Variants in SLC30A6 observed in about 807,000 individuals in gnomAD.
SLC30A6 encodes zinc transporter 6.
In SLC30A6, 55 loss-of-function variants were observed where a neutral mutation model predicts 63.0. The ratio of observed to expected loss-of-function variants is 0.87; its 90% confidence interval spans 0.70 to 1.09. SLC30A6 has a LOEUF of 1.09. Among genes scored for constraint, SLC30A6 ranks in the 50% least tolerant of loss-of-function variants. The pLI is 0.00. For missense variants in SLC30A6, 587 were observed against 549.2 expected (o/e 1.07, Z -0.69); for synonymous variants, 224 against 186.1 (o/e 1.20, Z -1.66).
chr2:32,205,251 T>C (rs1684650366), intron 11 of SLC30A6, among the ~76,000 whole-genome samples: 1 of 152,070 alleles, frequency 6.6e-6, no homozygotes, highest in Non-Finnish European at 1.5e-5. Flanking sequence ...AAACCCTGTC[T>C]CTACTAAAAA....
At chr2:32,213,690 T>C in intron 13 of SLC30A6, among the ~76,000 whole-genome samples, 1 of 152,188 alleles carries the variant, frequency 6.6e-6, no homozygotes. Context: ...ATTTTTAGTT[T>C]TCTTAGTTTT....
intron 4 of SLC30A6, among the ~76,000 whole-genome samples, chr2:32,180,945 A>G (rs72863948): frequency 3.9e-5 from 6 of 152,218 alleles, no homozygotes; most frequent in Admixed American, 3.9e-4. Context: ...TGAGTTAGCT[A>G]TCGCTACATA....
intron 10 of SLC30A6, among the ~76,000 whole-genome samples, chr2:32,201,076 C>G (rs529404621): frequency 6.6e-6 from 1 of 152,286 alleles, no homozygotes; most frequent in East Asian, 1.9e-4. Context: ...TATCTCCACC[C>G]CAGGAGCCTT....
chr2:32,169,418 C>A (rs1462291056), intron 1 of SLC30A6, among the ~76,000 whole-genome samples: 2 of 152,136 alleles, frequency 1.3e-5, no homozygotes, highest in Non-Finnish European at 2.9e-5. Context: ...CTCAACTGAT[C>A]CTCCTGACTC....
rs762986625 is a variant in SLC30A6, at chr2:32,206,898, C to G, written c.781C>G (p.His261Asp). ...TATTTTTCCCCAGACAACACCACCC[C>G]ATGTTATTGGTCAGTTGGACAAACT... Reference protein sequence around the residue: ...GKVLLQTTPPHVIGQLDKLIR... With the variant: ...GKVLLQTTPPDVIGQLDKLIR... Residue 261 changes from histidine (H) to aspartate (D), a missense_variant, in exon 12 of 14, where the codon CAT becomes GAT. Transcript: ENST00000282587. The G allele has an allele frequency of 6.2e-7, 1 of 1,611,674 alleles. No homozygotes were observed. The highest frequency in any genetic ancestry group is 1.3e-5 in the African/African-American group (1 of 74,960).
In SLC30A6 at chr2:32,193,931, C is replaced by G; in HGVS notation, c.444C>G (p.Asn148Lys). 1 of 1,613,498 alleles carries G rather than the reference C, an allele frequency of 6.2e-7. No homozygotes were observed. The highest frequency in any genetic ancestry group is 8.5e-7 in the Non-Finnish European group (1 of 1,179,702). ...GTACTTTTGTGGCTCTTTGTTTCAA[C>G]CTGTTCACGATGCTTTCTATTCGGA... ...LVGTFVALCFNLFTMLSIRNK... is the reference protein window; with the variant it reads ...LVGTFVALCFKLFTMLSIRNK... Residue 148 changes from asparagine (N) to lysine (K), a missense_variant, in exon 8 of 14, where the codon AAC becomes AAG. Physicochemically the swap from Asn to Lys is moderately conservative, Grantham distance 94 (BLOSUM62 0). Transcript: ENST00000282587.
chr2:32,201,253 T>G (rs567792970), intron 10 of SLC30A6, among the ~76,000 whole-genome samples: 1 of 152,270 alleles, frequency 6.6e-6, no homozygotes, highest in East Asian at 1.9e-4. Context: ...TAGAAAAGAG[T>G]GCACAATCAG....
intron 4 of SLC30A6, among the ~76,000 whole-genome samples, chr2:32,182,994 C>G (rs772761914): frequency 1.6e-4 from 24 of 152,074 alleles, no homozygotes; most frequent in Non-Finnish European, 2.9e-4. Flanking sequence ...CCTGACCAGC[C>G]TGGCCAACGT....
At chr2:32,219,279 G>C (rs1558433525) in intron 13 of SLC30A6, among the ~76,000 whole-genome samples, 1 of 150,150 alleles carries the variant, frequency 6.7e-6, no homozygotes, top group African/African-American at 2.4e-5. Context: ...GGGGTGATCC[G>C]CCCACCTCAG....
chr2:32,190,293 T>C (rs1683210481), intron 5 of SLC30A6, among the ~76,000 whole-genome samples: 1 of 151,964 alleles, frequency 6.6e-6, no homozygotes, highest in South Asian at 2.1e-4. Flanking sequence ...ACCCCATCTC[T>C]ACTAAAAATA....
At chr2:32,187,461 G>A (rs556608030) in intron 5 of SLC30A6, among the ~76,000 whole-genome samples, 2 of 152,262 alleles carry the variant, frequency 1.3e-5, no homozygotes, top group South Asian at 4.1e-4. Context: ...GTAAGGACAT[G>A]ACAGCTCCCA....
intron 10 of SLC30A6, among the ~76,000 whole-genome samples, chr2:32,199,984 G>A (rs1684126972): frequency 6.6e-6 from 1 of 151,888 alleles, no homozygotes; most frequent in African/African-American, 2.4e-5. Flanking sequence ...GCGTGGTGAT[G>A]CACACCTGTA....
chr2:32,214,878 G>C (rs185896279), intron 13 of SLC30A6, among the ~76,000 whole-genome samples: 22 of 152,296 alleles, frequency 1.4e-4, no homozygotes, highest in Admixed American at 1.4e-3. Context: ...AGTGACAACT[G>C]TGAATGGTAG....
At chr2:32,198,388 C>T (rs1683982048) in intron 10 of SLC30A6, among the ~76,000 whole-genome samples, 1 of 152,026 alleles carries the variant, frequency 6.6e-6, no homozygotes, top group South Asian at 2.1e-4. Context: ...ATTTCTAGCC[C>T]ACATCTCTAT....
At position 32,220,826 on chromosome 2, in the gene SLC30A6, A is replaced by G. The variant is rs1255145556; in HGVS notation, c.*113A>G. 1.1e-6 allele frequency: 1 copy of G among 948,304 alleles called. No individual in the cohort carries two copies. Among genetic ancestry groups the G allele is most frequent in the Non-Finnish European group, 1.5e-6 (1 of 648,820 alleles). The allele number at this position is 948,304 out of a possible 1,614,324, so 58.7% of individuals were successfully genotyped here. ...TTTACTCTAAATGTTAGATAATAGT[A>G]GTCTTGTTCACATTTCATGAAACCT... On this transcript the variant is annotated 3_prime_UTR_variant, in exon 14 of 14. Coordinates refer to ENST00000282587, the MANE Select transcript of SLC30A6 (RefSeq NM_017964.5).
chr2:32,207,828 G>A (rs1443722252), intron 12 of SLC30A6, among the ~76,000 whole-genome samples: 6 of 146,202 alleles, frequency 4.1e-5, no homozygotes, highest in African/African-American at 1.5e-4. Flanking sequence ...AGCCTCCCAA[G>A]CAGCTGGGAT....
rs752024409 is a variant in SLC30A6 at position 32,222,237 on chromosome 2, A to G, written c.*1524A>G. The stretch of plus-strand genomic sequence containing the variant: ...CCAAAAAGTATAACAAGCAGCAGTC[A>G]CACATGACCTAGGAGGGTTTTTTAT... On this transcript the variant is annotated 3_prime_UTR_variant, in exon 14 of 14. Coordinates refer to ENST00000282587, the MANE Select transcript of SLC30A6 (RefSeq NM_017964.5). The G allele has an allele frequency of 4.6e-5, 7 of 152,208 alleles. No individual in the cohort carries two copies. Among genetic ancestry groups the G allele is most frequent in the Non-Finnish European group, 1.0e-4 (7 of 68,040 alleles). The allele number at this position is 152,208 out of a possible 1,614,324, so 9.4% of individuals were successfully genotyped here.
At chr2:32,200,126 T>A (rs1178075528) in intron 10 of SLC30A6, among the ~76,000 whole-genome samples, 3 of 151,972 alleles carry the variant, frequency 2.0e-5, no homozygotes, top group African/African-American at 7.3e-5. Context: ...TATATATATA[T>A]AAACATATAT....
chr2:32,197,220 A>G (rs1683869085), intron 8 of SLC30A6, 124 bp from the exon 9 acceptor site: 1 of 765,504 alleles, frequency 1.3e-6, no homozygotes, highest in Non-Finnish European at 2.1e-6. Flanking sequence ...GAGGAGTAGC[A>G]TGTTCTTTTG....
Sources: allele counts gnomAD v4.1 joint callset (sites outside exome capture counted in the v4.1 genomes callset), GRCh38; gene constraint gnomAD v4.1.1; transcripts MANE v1.5; gene names NCBI Gene and HGNC (gene_info 2026-07-23, HGNC 2026-07-21).